Variants in GPC5 observed in about 807,000 individuals in gnomAD.
The protein encoded by GPC5 is glypican 5.
Under a neutral mutation model 53.9 loss-of-function variants are expected in GPC5, and 47 were observed. The observed-to-expected ratio is 0.87, with a 90% CI of 0.69 to 1.11. GPC5 has a LOEUF of 1.11. Ranked by LOEUF, GPC5 falls within the 50% of genes most tolerant of loss-of-function variation. The pLI, the probability that GPC5 is intolerant of heterozygous loss-of-function variation, is 0.00. For missense variants in GPC5, 748 were observed against 713.1 expected, an observed-to-expected ratio of 1.05 and a Z score of -0.56; for synonymous variants, 286 against 263.3, an observed-to-expected ratio of 1.09 and a Z score of -0.84.
chr13:92,810,564 A>T (rs1300896922), intron 7 of GPC5, among the ~76,000 whole-genome samples: 1 of 151,904 alleles, frequency 6.6e-6, no homozygotes, highest in East Asian at 1.9e-4. Context: ...GTCCCAAACA[A>T]GAACTTGTAA....
At chr13:92,848,438 T>G (rs939063683) in intron 7 of GPC5, among the ~76,000 whole-genome samples, 2 of 152,158 alleles carry the variant, frequency 1.3e-5, no homozygotes, top group African/African-American at 4.8e-5. Context: ...AACTTATTTT[T>G]ACTAAGTTAT....
intron 5 of GPC5, among the ~76,000 whole-genome samples, chr13:91,896,099 C>A (rs890403905): frequency 1.3e-5 from 2 of 151,014 alleles, no homozygotes; most frequent in Non-Finnish European, 2.9e-5. Context: ...ATAATCCCCC[C>A]ATTTAAAATT....
chr13:92,203,679 AAAT>A (rs2042312280), intron 7 of GPC5, among the ~76,000 whole-genome samples: 1 of 150,302 alleles, frequency 6.7e-6, no homozygotes, highest in Admixed American at 6.6e-5. Context: ...AATAAAACCA[AAAT>A]AATCTCTAGC....
intron 1 of GPC5, among the ~76,000 whole-genome samples, chr13:91,423,861 A>AT (rs1000597969): frequency 1.3e-5 from 2 of 152,216 alleles, no homozygotes; most frequent in African/African-American, 4.8e-5. Context: ...TATAATTACT[A>AT]TTTTTCAATT....
chr13:91,949,125 A>G (rs1315496472), intron 6 of GPC5, among the ~76,000 whole-genome samples: 4 of 152,152 alleles, frequency 2.6e-5, no homozygotes, highest in African/African-American at 7.2e-5. Context: ...TTATCTTTGA[A>G]ATGTTCTTTG....
intron 7 of GPC5, among the ~76,000 whole-genome samples, chr13:92,265,254 A>G (rs2042795373): frequency 6.6e-6 from 1 of 152,046 alleles, no homozygotes; most frequent in Admixed American, 6.6e-5. Flanking sequence ...TTAATTTATA[A>G]ATTCCATCTT....
intron 7 of GPC5, among the ~76,000 whole-genome samples, chr13:92,372,935 T>A (rs974893183): frequency 6.6e-6 from 1 of 152,220 alleles, no homozygotes; most frequent in Admixed American, 6.5e-5. Context: ...TGTTGTCTGC[T>A]CCTTGTTTTA....
intron 7 of GPC5, among the ~76,000 whole-genome samples, chr13:92,590,148 T>G (rs1418225761): frequency 6.6e-6 from 1 of 152,140 alleles, no homozygotes; most frequent in Admixed American, 6.5e-5. Flanking sequence ...TGAGGGGATG[T>G]CTTAACTGCA....
intron 7 of GPC5, among the ~76,000 whole-genome samples, chr13:92,726,247 C>A (rs929093256): frequency 1.3e-5 from 2 of 151,536 alleles, no homozygotes; most frequent in African/African-American, 4.8e-5. Context: ...AAACTATTAA[C>A]TCAAAACACC....
At chr13:91,907,869 T>C in intron 5 of GPC5, 68 bp from the exon 6 acceptor site, 1 of 1,528,236 alleles carries the variant, frequency 6.5e-7, no homozygotes, top group Non-Finnish European at 8.9e-7. Flanking sequence ...TCAAATATGT[T>C]CAGATAGCTG....
chr13:92,651,898 T>C (rs1413890268), intron 7 of GPC5, among the ~76,000 whole-genome samples: 1 of 152,122 alleles, frequency 6.6e-6, no homozygotes, highest in Non-Finnish European at 1.5e-5. Flanking sequence ...AATAAGAATA[T>C]AATTAGATTC....
intron 7 of GPC5, among the ~76,000 whole-genome samples, chr13:92,154,553 T>A (rs1268460722): frequency 6.6e-6 from 1 of 152,190 alleles, no homozygotes; most frequent in African/African-American, 2.4e-5. Context: ...CATTTAAATG[T>A]CATCATGAAC....
At chr13:92,069,131 T>A (rs991848940) in intron 6 of GPC5, among the ~76,000 whole-genome samples, 2 of 152,106 alleles carry the variant, frequency 1.3e-5, no homozygotes, top group African/African-American at 4.8e-5. Flanking sequence ...ACTATTTCCC[T>A]ATTGAATTTT....
chr13:92,204,864 G>GT (rs1406130055), intron 7 of GPC5, among the ~76,000 whole-genome samples: 2 of 152,028 alleles, frequency 1.3e-5, no homozygotes, highest in South Asian at 2.1e-4. Flanking sequence ...TTTTTTGTTT[G>GT]TTTTTTGGTT....
At chr13:92,447,954 T>C (rs770001519) in intron 7 of GPC5, 2 of 152,154 alleles carry the variant, frequency 1.3e-5, no homozygotes, top group Non-Finnish European at 2.9e-5. Context: ...TATTCTTTTA[T>C]ATAAATTTGT....
chr13:92,087,156 C>T (rs2041342317), intron 6 of GPC5, among the ~76,000 whole-genome samples: 1 of 152,182 alleles, frequency 6.6e-6, no homozygotes, highest in African/African-American at 2.4e-5. Context: ...TATCAAGAGA[C>T]AGAATAGAGA....
intron 2 of GPC5, among the ~76,000 whole-genome samples, chr13:91,661,315 T>C (rs954673373): frequency 1.3e-5 from 2 of 152,224 alleles, no homozygotes; most frequent in Non-Finnish European, 2.9e-5. Context: ...GAATTGTTTT[T>C]TGAAAAAGCC....
chr13:91,887,451 C>T (rs996096027), intron 5 of GPC5, among the ~76,000 whole-genome samples: 3 of 152,206 alleles, frequency 2.0e-5, no homozygotes, highest in African/African-American at 4.8e-5. Context: ...TGGTGATTAA[C>T]ATTTGGATCC....
At chr13:91,848,344 G>A (rs745766394) in intron 5 of GPC5, among the ~76,000 whole-genome samples, 13 of 152,156 alleles carry the variant, frequency 8.5e-5, no homozygotes, top group Non-Finnish European at 1.3e-4. Flanking sequence ...GGATGTTCTC[G>A]CATACCGAAA....
Sources: allele counts gnomAD v4.1 joint callset (sites outside exome capture counted in the v4.1 genomes callset), GRCh38; gene constraint gnomAD v4.1.1; transcripts MANE v1.5; gene names NCBI Gene and HGNC (gene_info 2026-07-23, HGNC 2026-07-21).